MCTP1: variants seen among roughly 807,000 people sequenced by gnomAD.
MCTP1 encodes the protein multiple C2 and transmembrane domain containing 1, also known as multiple C2 and transmembrane domain-containing protein 1.
A neutral mutation model predicts 120.6 loss-of-function variants in MCTP1; 69 were observed. That is an observed-to-expected ratio of 0.57 (90% CI 0.47 to 0.70). The LOEUF is 0.70. Ranked by LOEUF, MCTP1 falls within the 30% of genes least tolerant of loss-of-function variation. The pLI is 0.00. For missense variants in MCTP1, 1,203 were observed against 1,248.8 expected, an observed-to-expected ratio of 0.96 and a Z score of 0.55; for synonymous variants, 529 against 493.1, an observed-to-expected ratio of 1.07 and a Z score of -0.96.
chr5:95,214,904 T>C lies in MCTP1; in HGVS notation c.720+68952A>G, dbSNP rs1199324603. 2.7e-5 allele frequency among the ~76,000 whole-genome samples: 4 copies of C among 150,644 alleles called. No individual in the cohort carries two copies. The East Asian group carries it at 8.0e-4, about 30-fold the overall frequency. ...GGGGGAGGGATAGCATTAGGAGATA[T>C]ACCTAATGTAAATGACGAGTTAATG... On this transcript the variant is annotated intron_variant, in intron 1 of 22. Coordinates refer to ENST00000515393, the MANE Select transcript of MCTP1 (RefSeq NM_024717.7).
intron 1 of MCTP1, among the ~76,000 whole-genome samples, chr5:95,271,128 A>C (rs1393090453): frequency 6.6e-6 from 1 of 152,228 alleles, no homozygotes; most frequent in Non-Finnish European, 1.5e-5. Context: ...TCCTAGAAAA[A>C]GAATAGATTT....
chr5:95,011,931 C>G (rs771773383), intron 2 of MCTP1, among the ~76,000 whole-genome samples: 1 of 152,038 alleles, frequency 6.6e-6, no homozygotes, highest in Non-Finnish European at 1.5e-5. Flanking sequence ...TCTGGCACTG[C>G]AAAAATGATC....
intron 17 of MCTP1, among the ~76,000 whole-genome samples, chr5:94,842,774 GA>G (rs1791428528): frequency 6.6e-6 from 1 of 152,102 alleles, no homozygotes; most frequent in Admixed American, 6.5e-5. Flanking sequence ...TTTTATTACT[GA>G]AACATGATAG....
At chr5:94,741,251 TCA>T (rs1765462430) in intron 19 of MCTP1, among the ~76,000 whole-genome samples, 1 of 152,168 alleles carries the variant, frequency 6.6e-6, no homozygotes, top group African/African-American at 2.4e-5. Flanking sequence ...GGAAACACTC[TCA>T]CATAGTGACC....
intron 1 of MCTP1, among the ~76,000 whole-genome samples, chr5:95,180,192 A>G (rs1017761122): frequency 2.0e-5 from 3 of 152,202 alleles, no homozygotes; most frequent in Admixed American, 6.5e-5. Context: ...AGGCAACACA[A>G]CAATAGTGGG....
chr5:94,740,140 A>T (rs914731942), intron 19 of MCTP1, among the ~76,000 whole-genome samples: 2 of 152,250 alleles, frequency 1.3e-5, no homozygotes, highest in South Asian at 4.1e-4. Context: ...CATTCTTAAA[A>T]TAACTTTCTC....
intron 1 of MCTP1, among the ~76,000 whole-genome samples, chr5:95,259,467 C>G (rs112206802): frequency 6.6e-6 from 1 of 152,172 alleles, no homozygotes; most frequent in Non-Finnish European, 1.5e-5. Context: ...AATGGCTCCT[C>G]TAATGTTACT....
At chr5:95,236,613 T>C (rs1468184313) in intron 1 of MCTP1, among the ~76,000 whole-genome samples, 1 of 152,224 alleles carries the variant, frequency 6.6e-6, no homozygotes, top group Non-Finnish European at 1.5e-5. Context: ...AAAGTCAATA[T>C]GCAATTTAGT....
At chr5:94,873,302 A>G in intron 12 of MCTP1, 61 bp from the exon 13 acceptor site, 1 of 935,160 alleles carries the variant, frequency 1.1e-6, no homozygotes, top group Non-Finnish European at 1.7e-6. Flanking sequence ...CACAGTGTCA[A>G]GATCATGACC....
At chr5:94,930,707 G>A (rs1345781944) in intron 6 of MCTP1, 1 of 151,744 alleles carries the variant, frequency 6.6e-6, no homozygotes, top group Non-Finnish European at 1.5e-5. Context: ...ACATATTGAT[G>A]GGTTGTCATG....
chr5:94,783,042 A>AAGTG (rs1776905369), intron 18 of MCTP1, among the ~76,000 whole-genome samples: 1 of 152,118 alleles, frequency 6.6e-6, no homozygotes, highest in African/African-American at 2.4e-5. Context: ...AAGCAGTTAA[A>AAGTG]AGTGACATGA....
At chr5:95,047,699 T>C (rs1186753085) in intron 1 of MCTP1, among the ~76,000 whole-genome samples, 1 of 152,154 alleles carries the variant, frequency 6.6e-6, no homozygotes, top group Non-Finnish European at 1.5e-5. Flanking sequence ...AGCTAAGGTA[T>C]TTATTTCATT....
Position 94,710,851 on chromosome 5 carries a change from A to G in MCTP1, c.2797T>C (p.Cys933Arg), listed in dbSNP as rs1409862592. 2 of 1,612,830 alleles carry G rather than the reference A, an allele frequency of 1.2e-6. No individual in the cohort carries two copies. Among genetic ancestry groups the G allele is most frequent in the African/African-American group, 1.3e-5 (1 of 74,852 alleles). Residue 933 changes from cysteine (C) to arginine (R), a missense_variant, in exon 21 of 23, where the codon TGC becomes CGC. Transcript: ENST00000515393. Reference sequence around the variant, plus strand: ...AGGACAATGTATCTCAGCGGAATGCAGTACAGGATGGCTGTGAACACACAG... The same window carrying G: ...AGGACAATGTATCTCAGCGGAATGCGGTACAGGATGGCTGTGAACACACAG... ...ALCVFTAILY[C>R]IPLRYIVLVW... is the part of the protein sequence containing the mutation.
intron 4 of MCTP1, among the ~76,000 whole-genome samples, chr5:94,940,445 G>A (rs974570040): frequency 7.3e-5 from 11 of 150,224 alleles, no homozygotes; most frequent in Non-Finnish European, 1.3e-4. Flanking sequence ...AAAAGGTCAA[G>A]ACTACAACCC....
At chr5:94,909,419 C>A in intron 9 of MCTP1, 38 bp from the exon 10 acceptor site, 1 of 1,555,588 alleles carries the variant, frequency 6.4e-7, no homozygotes, top group Non-Finnish European at 8.6e-7. Context: ...TTGCTAGCAG[C>A]TTTTTAAAAA....
chr5:95,130,731 C>T (rs1226421949), intron 1 of MCTP1, among the ~76,000 whole-genome samples: 1 of 152,106 alleles, frequency 6.6e-6, no homozygotes, highest in Admixed American at 6.5e-5. Flanking sequence ...CTTAGAAGGA[C>T]CCCAATCATA....
intron 7 of MCTP1, among the ~76,000 whole-genome samples, chr5:94,923,531 T>C (rs1254351121): frequency 1.3e-5 from 2 of 152,208 alleles, no homozygotes; most frequent in African/African-American, 4.8e-5. Context: ...CTGATCAGTA[T>C]ATATCTAGGA....
chr5:95,159,934 G>A (rs1056824607), intron 1 of MCTP1, among the ~76,000 whole-genome samples: 4 of 152,046 alleles, frequency 2.6e-5, no homozygotes, highest in African/African-American at 7.2e-5. Context: ...ATGCAAAAGA[G>A]TCAACACACC....
intron 18 of MCTP1, among the ~76,000 whole-genome samples, chr5:94,780,963 G>A (rs951592893): frequency 3.9e-5 from 6 of 152,078 alleles, no homozygotes; most frequent in Non-Finnish European, 8.8e-5. Context: ...AGTGATATAT[G>A]CCAGGCTATT....
Sources: allele counts gnomAD v4.1 joint callset (sites outside exome capture counted in the v4.1 genomes callset), GRCh38; gene constraint gnomAD v4.1.1; transcripts MANE v1.5; gene names NCBI Gene and HGNC (gene_info 2026-07-23, HGNC 2026-07-21).